DLGAP2: variants seen among roughly 807,000 people sequenced by gnomAD.
DLGAP2 encodes the protein DLG associated protein 2.
A neutral mutation model predicts 100.3 loss-of-function variants in DLGAP2; 26 were observed. The ratio of observed to expected loss-of-function variants is 0.26; its 90% CI spans 0.19 to 0.36. The LOEUF (loss-of-function observed/expected upper bound fraction) is 0.36, where lower values mean the gene tolerates loss of function less well. DLGAP2 is among the 10% of genes least tolerant of loss of function. The pLI, the probability that DLGAP2 is intolerant of heterozygous loss-of-function variation, is 1.00. For synonymous variants in DLGAP2, 886 were observed against 630.1 expected (o/e 1.41, Z -6.08); for missense variants, 1,858 against 1,453.2 (o/e 1.28, Z -4.53).
chr8:1,424,742 A>G (rs752716087), intron 3 of DLGAP2, among the ~76,000 whole-genome samples: 1 of 152,216 alleles, frequency 6.6e-6, no homozygotes, highest in Non-Finnish European at 1.5e-5. Flanking sequence ...ATCCCCTTAC[A>G]CGCAGCACCT....
chr8:1,472,166 G>A (rs79743055), intron 3 of DLGAP2, among the ~76,000 whole-genome samples: 4,027 of 152,284 alleles, frequency 0.026, 164 homozygotes, highest in African/African-American at 0.092. Context: ...AGACGGGGCC[G>A]CACTGGGGAG....
chr8:998,703 G>A (rs901983514), intron 2 of DLGAP2, among the ~76,000 whole-genome samples: 5 of 152,184 alleles, frequency 3.3e-5, no homozygotes, highest in Non-Finnish European at 7.3e-5. Flanking sequence ...CTTCCTAGGT[G>A]AGAATGCCTG....
intron 3 of DLGAP2, among the ~76,000 whole-genome samples, chr8:1,314,465 G>A (rs1378531733): frequency 6.6e-6 from 1 of 152,222 alleles, no homozygotes; most frequent in African/African-American, 2.4e-5. Flanking sequence ...TGTCTGTGCT[G>A]TAACAAAAGC....
At chr8:815,306 C>G (rs1022334702) in intron 1 of DLGAP2, among the ~76,000 whole-genome samples, 1 of 152,142 alleles carries the variant, frequency 6.6e-6, no homozygotes, top group Non-Finnish European at 1.5e-5. Flanking sequence ...CCTCACTTGG[C>G]GGAGGAGCAG....
At position 795,499 on chromosome 8, in the gene DLGAP2, A is replaced by G. The variant is rs1796004353; in HGVS notation, c.18+57674A>G. Among the ~76,000 whole-genome samples the G allele has an allele frequency of 1.3e-5, 2 of 152,242 alleles. 1 individual carries two copies. Among genetic ancestry groups the G allele is most frequent in the Admixed American group, 1.3e-4 (2 of 15,288 alleles). On this transcript the variant is annotated intron_variant, in intron 1 of 14. Transcript: ENST00000637795. ...TGAAAATGCACCAAATCTGGACCAA[A>G]TAAAGCATGCAAAGGACAGATGTGT...
At chr8:1,533,126 G>T (rs1286908655) in intron 4 of DLGAP2, among the ~76,000 whole-genome samples, 1 of 144,584 alleles carries the variant, frequency 6.9e-6, no homozygotes, top group Non-Finnish European at 1.5e-5. Flanking sequence ...GTTAGTCACT[G>T]ATTCTAGGGA....
At chr8:1,173,797 G>A (rs545611670) in intron 2 of DLGAP2, among the ~76,000 whole-genome samples, 5 of 152,304 alleles carry the variant, frequency 3.3e-5, no homozygotes, top group Non-Finnish European at 7.4e-5. Context: ...CCCTTTCTTT[G>A]ACTAGGAAAG....
chr8:909,362 A>G (rs993353187), intron 2 of DLGAP2, among the ~76,000 whole-genome samples: 3 of 152,176 alleles, frequency 2.0e-5, no homozygotes, highest in African/African-American at 4.8e-5. Flanking sequence ...GTGAATCATT[A>G]CTCTAAGAAA....
At chr8:1,142,247 G>C (rs1220145661) in intron 2 of DLGAP2, among the ~76,000 whole-genome samples, 4 of 151,998 alleles carry the variant, frequency 2.6e-5, no homozygotes, top group African/African-American at 9.7e-5. Context: ...TCATAAGGTG[G>C]TTCACCAACA....
chr8:1,460,858 T>G (rs1798451548), intron 3 of DLGAP2, among the ~76,000 whole-genome samples: 1 of 152,120 alleles, frequency 6.6e-6, no homozygotes, highest in African/African-American at 2.4e-5. Flanking sequence ...GGGTGGCCAG[T>G]GGGTTTTATT....
chr8:927,900 T>A (rs1289555336), intron 2 of DLGAP2, among the ~76,000 whole-genome samples: 1 of 152,180 alleles, frequency 6.6e-6, no homozygotes, highest in Admixed American at 6.5e-5. Flanking sequence ...AGCACACAGA[T>A]GCACAAGTTC....
intron 3 of DLGAP2, among the ~76,000 whole-genome samples, chr8:1,289,452 C>T (rs757089168): frequency 8.5e-5 from 13 of 152,166 alleles, no homozygotes; most frequent in African/African-American, 3.1e-4. Context: ...GGGTTCCCTT[C>T]TTCTATTTTT....
intron 2 of DLGAP2, among the ~76,000 whole-genome samples, chr8:1,183,238 T>C (rs1397668888): frequency 6.6e-6 from 1 of 151,926 alleles, no homozygotes; most frequent in Non-Finnish European, 1.5e-5. Flanking sequence ...GGGAGGAGAA[T>C]GTGACAGACA....
chr8:1,173,584 A>C (rs987685996), intron 2 of DLGAP2, among the ~76,000 whole-genome samples: 4 of 152,290 alleles, frequency 2.6e-5, no homozygotes, highest in Admixed American at 2.6e-4. Flanking sequence ...AGCCTGGGCA[A>C]TGGTGGGCGC....
chr8:1,000,633 C>G (rs919743568), intron 2 of DLGAP2, among the ~76,000 whole-genome samples: 5 of 152,220 alleles, frequency 3.3e-5, no homozygotes, highest in African/African-American at 1.2e-4. Context: ...CCTAATTGCT[C>G]TGTTATTACT....
chr8:822,286 C>T lies in DLGAP2; in HGVS notation c.18+84461C>T, dbSNP rs191589911. 44 of 399,208 alleles carry T rather than the reference C, an allele frequency of 1.1e-4. No individual in the cohort carries two copies. The South Asian group carries it at 2.0e-3, about 18-fold the overall frequency. 24.7% of individuals were successfully genotyped at this position (399,208 alleles called of 1,614,324 possible). ...ACTTCCTGCTGTGATGGGTGCTCCACCCGGGGAGGGGCACAGGGGTGACGG... is the reference window on the plus strand; with the variant it reads ...ACTTCCTGCTGTGATGGGTGCTCCATCCGGGGAGGGGCACAGGGGTGACGG... On this transcript the variant is annotated intron_variant, in intron 1 of 14. Coordinates refer to ENST00000637795, the MANE Select transcript of DLGAP2 (RefSeq NM_001346810.2).
At chr8:1,101,257 G>C (rs1453326083) in intron 2 of DLGAP2, among the ~76,000 whole-genome samples, 1 of 152,192 alleles carries the variant, frequency 6.6e-6, no homozygotes, top group African/African-American at 2.4e-5. Flanking sequence ...ATCCAACAAA[G>C]GCTCACTCAC....
intron 3 of DLGAP2, among the ~76,000 whole-genome samples, chr8:1,298,343 G>A (rs1800241500): frequency 6.6e-6 from 1 of 152,192 alleles, no homozygotes. Context: ...GCAGCCTACA[G>A]AGGCCGCGTC....
In DLGAP2 at chr8:1,206,358, G is replaced by A. The variant is rs1370079969; in HGVS notation, c.74-52493G>A. Among the ~76,000 whole-genome samples the A allele has an allele frequency of 2.0e-4, 29 of 143,970 alleles. 3 individuals are homozygous for A. Among genetic ancestry groups the A allele is most frequent in the African/African-American group, 7.8e-4 (29 of 37,352 alleles). 94.4% of individuals were successfully genotyped at this position (143,970 alleles called of 152,430 possible). A position where few individuals can be genotyped will look rare whatever the true frequency, so the allele number is the denominator to read the frequency against. On this transcript the variant is annotated intron_variant, in intron 2 of 14. Coordinates refer to ENST00000637795, the MANE Select transcript of DLGAP2 (RefSeq NM_001346810.2). ...GTGAATGGTTAATCTCCAGCCATCC[G>A]TGGACTGGGGTAGACTGTGAGCGGT...
Sources: gnomAD v4.1 joint callset for allele counts (sites outside exome capture counted in the v4.1 genomes callset) on GRCh38, gnomAD v4.1.1 for gene constraint, MANE v1.5 for transcripts, NCBI Gene and HGNC (gene_info 2026-07-23, HGNC 2026-07-21) for gene names.